Variants in PPIL2 observed in about 807,000 individuals in gnomAD.
PPIL2 encodes peptidylprolyl isomerase like 2, also known as RING-type E3 ubiquitin-protein ligase PPIL2.
Under a neutral mutation model 75.2 loss-of-function variants are expected in PPIL2, and 50 were observed. The ratio of observed to expected loss-of-function variants is 0.66; its 90% confidence interval spans 0.53 to 0.84. PPIL2 has a LOEUF of 0.84. PPIL2 is among the 40% of genes least tolerant of loss of function. PPIL2 has a pLI of 0.00. For synonymous variants in PPIL2, 245 were observed against 258.8 expected, an observed-to-expected ratio of 0.95 and a Z score of 0.51; for missense variants, 590 against 685.0, an observed-to-expected ratio of 0.86 and a Z score of 1.55.
chr22:21,678,999 C>T (rs149073728), intron 6 of PPIL2, among the ~76,000 whole-genome samples: 105 of 150,836 alleles, frequency 7.0e-4, no homozygotes, highest in Middle Eastern at 3.4e-3. Context: ...TGGGTTCAAG[C>T]GATTCTCCTG....
intron 7 of PPIL2, 142 bp from the exon 8 acceptor site, chr22:21,682,294 TG>T (rs1268473373): frequency 8.9e-6 from 6 of 676,108 alleles, no homozygotes; most frequent in Non-Finnish European, 1.6e-5. Context: ...TTTCAGCCAG[TG>T]GGGTGTACAC....
rs1027048682 is a variant in PPIL2 at position 21,688,092 on chromosome 22, C to G, written c.1007C>G (p.Thr336Arg). The G allele has an allele frequency of 1.9e-6, 3 of 1,614,084 alleles. No homozygotes were observed. The highest frequency in any genetic ancestry group is 3.3e-5 in the Admixed American group (2 of 60,008). The part of the protein sequence containing the change: ...RNFVIQGGDP[T>R]GTGTGGESYW... ...TCACAGATCCAAGGGGGCGACCCCA[C>G]AGGCACAGGCACGGGTAGGTACTGG... Residue 336 changes from threonine (T) to arginine (R), a missense_variant, in exon 14 of 20, where the codon ACA (threonine) becomes AGA (arginine). Coordinates refer to ENST00000398831, the MANE Select transcript of PPIL2 (RefSeq NM_014337.4).
chr22:21,698,319 G>A (rs1211675598), downstream of PPIL2: 2 of 149,370 alleles, frequency 1.3e-5, no homozygotes, highest in Non-Finnish European at 3.0e-5. Flanking sequence ...TTCAATCAAT[G>A]CCGTCACAAA....
At chr22:21,673,918 C>T (rs1459100097) in intron 5 of PPIL2, among the ~76,000 whole-genome samples, 5 of 144,666 alleles carry the variant, frequency 3.5e-5, no homozygotes, top group African/African-American at 1.5e-4. Flanking sequence ...CTCTGGTGGT[C>T]TCCTCCACAC....
At chr22:21,674,244 G>A (rs1462564676) in intron 5 of PPIL2, among the ~76,000 whole-genome samples, 2 of 152,122 alleles carry the variant, frequency 1.3e-5, no homozygotes, top group Admixed American at 6.6e-5. Context: ...CCACAGCCCC[G>A]CCCCCAGCAG....
At chr22:21,668,672 C>A (rs2066491143) in intron 1 of PPIL2, among the ~76,000 whole-genome samples, 1 of 150,234 alleles carries the variant, frequency 6.7e-6, no homozygotes, top group Admixed American at 6.6e-5. Flanking sequence ...AAATAGAAAT[C>A]ATAAGATTGA....
At chr22:21,682,570 G>C (rs1417123981) in intron 8 of PPIL2, 44 bp downstream of exon 8, 2 of 1,472,138 alleles carry the variant, frequency 1.4e-6, no homozygotes, top group Admixed American at 3.8e-5. Flanking sequence ...TTCAGCACCT[G>C]CAGCCAGCCC....
At chr22:21,692,245 T>C (rs1411112010) in intron 15 of PPIL2, among the ~76,000 whole-genome samples, 5 of 151,020 alleles carry the variant, frequency 3.3e-5, no homozygotes, top group African/African-American at 7.3e-5. Flanking sequence ...AAGCTCCGCC[T>C]CCCAGGTTCA....
intron 15 of PPIL2, among the ~76,000 whole-genome samples, chr22:21,691,663 G>A (rs1270033527): frequency 6.6e-5 from 10 of 151,804 alleles, no homozygotes; most frequent in African/African-American, 2.4e-4. Context: ...CCTCCAGCCT[G>A]GGTGACAGAG....
rs1316351835 is a variant in PPIL2 at position 21,672,053 on chromosome 22, A to C, written c.192-277A>C. Among the ~76,000 whole-genome samples, 3 of 152,178 alleles carry C rather than the reference A, an allele frequency of 2.0e-5. No individual in the cohort carries two copies. The East Asian group carries it at 5.8e-4, about 29-fold the overall frequency. On this transcript the variant is annotated intron_variant, in intron 4 of 19. Transcript: ENST00000398831. ...GTGACAAGGCGAAACCTTGTCTCAA[A>C]GAAAAAAAACCCAAACCATTTACTT...
At chr22:21,689,332 T>G (rs1312975118) in intron 15 of PPIL2, among the ~76,000 whole-genome samples, 3 of 152,190 alleles carry the variant, frequency 2.0e-5, no homozygotes, top group African/African-American at 7.2e-5. Context: ...GCCTGTATTG[T>G]GGAAGAACAG....
At position 21,697,155 on chromosome 22, in the gene PPIL2, C is replaced by G. The variant is rs1266869649; in HGVS notation, c.*1665C>G. Reference sequence around the variant, plus strand: ...CTGGCAGTAACTGGCTTGTAAGAGGCTCAGACACCAAGCTGGGCCTGCAGA... The same window carrying G: ...CTGGCAGTAACTGGCTTGTAAGAGGGTCAGACACCAAGCTGGGCCTGCAGA... On this transcript the variant is annotated 3_prime_UTR_variant, in exon 20 of 20. Transcript: ENST00000398831. 1.4e-6 allele frequency: 1 copy of G among 700,382 alleles called. No homozygotes were observed. Among genetic ancestry groups the G allele is most frequent in the Non-Finnish European group, 2.3e-6 (1 of 427,194 alleles). 43.4% of individuals were successfully genotyped at this position (700,382 alleles called of 1,614,324 possible). A position where few individuals can be genotyped will look rare whatever the true frequency, so the allele number is the denominator to read the frequency against.
chr22:21,690,226 TA>T (rs2067561796), intron 15 of PPIL2, among the ~76,000 whole-genome samples: 1 of 151,506 alleles, frequency 6.6e-6, no homozygotes, highest in Admixed American at 6.6e-5. Flanking sequence ...CTACAAAAAA[TA>T]AAAAAAATTA....
chr22:21,692,219 GATCTCGGCTCACTGCAAGC>G (rs1472336286), intron 15 of PPIL2, among the ~76,000 whole-genome samples: 3 of 151,390 alleles, frequency 2.0e-5, no homozygotes, highest in Non-Finnish European at 4.4e-5. Flanking sequence ...GCAGCGGCGC[GATCTCGGCTCACTGCAAGC>G]TCCGCCTCCC....
chr22:21,683,430 A>G (rs1244752378), intron 9 of PPIL2, among the ~76,000 whole-genome samples, 173 bp downstream of exon 9: 1 of 151,982 alleles, frequency 6.6e-6, no homozygotes, highest in Non-Finnish European at 1.5e-5. Context: ...CCTCAGAAAC[A>G]ATGGGCGGGA....
chr22:21,698,382 A>G (rs2068020450), downstream of PPIL2: 1 of 152,346 alleles, frequency 6.6e-6, no homozygotes, highest in Non-Finnish European at 1.5e-5. Flanking sequence ...AACTTGCCCA[A>G]AACAGAAAAG....
chr22:21,666,925 A>G (rs893750557), intron 1 of PPIL2, among the ~76,000 whole-genome samples: 6 of 152,042 alleles, frequency 3.9e-5, no homozygotes, highest in Non-Finnish European at 7.3e-5. Context: ...TAGTGGCTTC[A>G]TGCTGTTTTC....
In PPIL2 at chr22:21,682,488, G is replaced by C; in HGVS notation, c.439G>C (p.Asp147His). 1.2e-6 allele frequency: 2 copies of C among 1,613,906 alleles called. No homozygotes were observed. Among genetic ancestry groups the C allele is most frequent in the Non-Finnish European group, 8.5e-7 (1 of 1,179,994 alleles). ...KAKNFRDLLT[D>H]EPFSRQDIIT... ...CAAGAACTTCCGGGACCTGCTGACC[G>C]ACGAGCCCTTCTCCCGGCAGGACAT... Residue 147 changes from aspartate (D) to histidine (H), a missense_variant, in exon 8 of 20, where the codon GAC becomes CAC. Transcript: ENST00000398831.
At chr22:21,669,989 C>G in intron 2 of PPIL2, 27 bp downstream of exon 2, 2 of 1,602,538 alleles carry the variant, frequency 1.2e-6, no homozygotes, top group Non-Finnish European at 1.7e-6. Context: ...TTCTGTTCCC[C>G]GTTGGGGGAG....
Sources: allele counts gnomAD v4.1 joint callset (sites outside exome capture counted in the v4.1 genomes callset), GRCh38; gene constraint gnomAD v4.1.1; transcripts MANE v1.5; gene names NCBI Gene and HGNC (gene_info 2026-07-23, HGNC 2026-07-21).